DNAJB6: variants seen among roughly 807,000 people sequenced by gnomAD.
The protein encoded by DNAJB6 is DnaJ heat shock protein family (Hsp40) member B6, also known as dnaJ homolog subfamily B member 6.
DNAJB6 carries 16 observed loss-of-function variants against 42.7 expected under a neutral mutation model. The observed-to-expected ratio is 0.37, with a 90% CI of 0.25 to 0.57. The LOEUF is 0.57. DNAJB6 is among the 20% of genes least tolerant of loss of function. The pLI, the probability that DNAJB6 is intolerant of heterozygous loss-of-function variation, is 0.74. For missense variants in DNAJB6, 347 were observed against 416.8 expected, an observed-to-expected ratio of 0.83 and a Z score of 1.46; for synonymous variants, 170 against 163.5, an observed-to-expected ratio of 1.04 and a Z score of -0.30.
chr7:157,387,358 G>A (rs1432705261), intron 8 of DNAJB6, among the ~76,000 whole-genome samples: 1 of 152,186 alleles, frequency 6.6e-6, no homozygotes, highest in Non-Finnish European at 1.5e-5. Context: ...GCCATGGCAC[G>A]TGCGGGAAAG....
chr7:157,373,663 G>A lies in DNAJB6; in HGVS notation c.346+6180G>A, dbSNP rs1002958846. Among the ~76,000 whole-genome samples the A allele has an allele frequency of 3.3e-5, 5 of 152,170 alleles. No individual in the cohort carries two copies. The East Asian group carries it at 9.6e-4, about 29-fold the overall frequency. ...ACCATGCCTGGCCAAAGTTAGATGT[G>A]TTAATGAGAGCTAGAAGTTAGGGGT... On this transcript the variant is annotated intron_variant, in intron 5 of 9. Coordinates refer to ENST00000262177, the MANE Select transcript of DNAJB6 (RefSeq NM_058246.4).
At chr7:157,388,241 T>TA (rs1334378525) in intron 8 of DNAJB6, among the ~76,000 whole-genome samples, 3 of 152,230 alleles carry the variant, frequency 2.0e-5, no homozygotes, top group Admixed American at 6.5e-5. Flanking sequence ...TGTCAAATCT[T>TA]ACACCTTTCA....
chr7:157,372,654 C>T (rs1419565112), intron 5 of DNAJB6, among the ~76,000 whole-genome samples: 2 of 152,224 alleles, frequency 1.3e-5, no homozygotes, highest in African/African-American at 2.4e-5. Flanking sequence ...ACAGGCCGGG[C>T]GTCTCGTAGG....
At chr7:157,399,145 TC>T (rs1456312422) in intron 8 of DNAJB6, among the ~76,000 whole-genome samples, 5 of 152,222 alleles carry the variant, frequency 3.3e-5, no homozygotes, top group Non-Finnish European at 5.9e-5. Flanking sequence ...TTGTAGAAGT[TC>T]CGCTGACAAG....
At position 157,346,377 on chromosome 7, in the gene DNAJB6, C is replaced by T. The variant is rs115065201; in HGVS notation, c.-27+9233C>T. On this transcript the variant is annotated intron_variant, in intron 1 of 9. Transcript: ENST00000262177. The stretch of plus-strand genomic sequence containing the variant: ...TTAGTTTCTCTGTGACTAGGGAAAT[C>T]GTCCAAGTATGTATCAAATAATGCT... 4.4e-3 allele frequency among the ~76,000 whole-genome samples: 643 copies of T among 145,672 alleles called. 6 individuals are homozygous for T. Among genetic ancestry groups the T allele is most frequent in the African/African-American group, 0.015 (611 of 40,076 alleles).
At chr7:157,401,931 CCT>C (rs1433347641) in intron 8 of DNAJB6, among the ~76,000 whole-genome samples, 1 of 152,146 alleles carries the variant, frequency 6.6e-6, no homozygotes, top group African/African-American at 2.4e-5. Flanking sequence ...GGATGTGGGC[CCT>C]CTCAGGATGG....
At chr7:157,400,371 T>TAC (rs1801804698) in intron 8 of DNAJB6, among the ~76,000 whole-genome samples, 1 of 152,242 alleles carries the variant, frequency 6.6e-6, no homozygotes, top group Non-Finnish European at 1.5e-5. Context: ...GACACGCTCG[T>TAC]GTGTGGTGTG....
At position 157,384,996 on chromosome 7, in the gene DNAJB6, T is replaced by C. The variant is rs781071853; in HGVS notation, c.608T>C (p.Ile203Thr). Residue 203 changes from isoleucine to threonine, a missense_variant, in exon 7 of 10, where the codon ATC (isoleucine) becomes ACC (threonine). Coordinates refer to ENST00000262177, the MANE Select transcript of DNAJB6 (RefSeq NM_058246.4). ...ACTAAAATGGTTAATGGCAGAAAAA[T>C]CACTACAAAGAGGTACTGTGGTATT... ...TSTKMVNGRK[I>T]TTKRIVENGQ... is the part of the protein sequence containing the mutation. The C allele has an allele frequency of 2.6e-5, 42 of 1,613,960 alleles. No individual in the cohort carries two copies. The highest frequency in any genetic ancestry group is 3.4e-5 in the Non-Finnish European group (40 of 1,179,992).
chr7:157,391,714 G>A (rs1801352675), intron 8 of DNAJB6, among the ~76,000 whole-genome samples: 1 of 152,202 alleles, frequency 6.6e-6, no homozygotes, highest in Non-Finnish European at 1.5e-5. Flanking sequence ...TAATATTTAA[G>A]GTATTTGTGT....
chr7:157,352,286 G>T (rs939098937), intron 1 of DNAJB6, among the ~76,000 whole-genome samples: 1 of 151,786 alleles, frequency 6.6e-6, no homozygotes, highest in African/African-American at 2.4e-5. Flanking sequence ...CCAAAATTGT[G>T]CTACTCTACT....
At chr7:157,385,084 C>A in intron 7 of DNAJB6, 76 bp downstream of exon 7, 1 of 1,487,848 alleles carries the variant, frequency 6.7e-7, no homozygotes, top group Non-Finnish European at 9.2e-7. Flanking sequence ...GCACGTCTCC[C>A]AGAGTGTGAA....
intron 1 of DNAJB6, among the ~76,000 whole-genome samples, chr7:157,358,087 C>T (rs979137351): frequency 2.6e-5 from 4 of 152,130 alleles, no homozygotes; most frequent in Non-Finnish European, 1.5e-5. Context: ...TTCTATTGTT[C>T]CCATGTGAAG....
intron 4 of DNAJB6, 64 bp from the exon 5 acceptor site, chr7:157,367,309 A>G: frequency 2.8e-6 from 3 of 1,078,020 alleles, no homozygotes; most frequent in African/African-American, 1.6e-5. Flanking sequence ...TTTTGTCAAC[A>G]AAGAATTCTT....
chr7:157,353,331 A>G (rs1799094639), intron 1 of DNAJB6, among the ~76,000 whole-genome samples: 1 of 152,162 alleles, frequency 6.6e-6, no homozygotes, highest in Admixed American at 6.6e-5. Context: ...TAAAGATAGT[A>G]CAGGGATTTT....
intron 8 of DNAJB6, among the ~76,000 whole-genome samples, chr7:157,388,453 C>G (rs1466753064): frequency 2.6e-5 from 4 of 152,162 alleles, no homozygotes; most frequent in African/African-American, 9.7e-5. Flanking sequence ...TTGAGCGCCT[C>G]TGAAAATAGG....
chr7:157,395,493 T>C (rs1189730199), intron 8 of DNAJB6, among the ~76,000 whole-genome samples: 2 of 152,024 alleles, frequency 1.3e-5, no homozygotes, highest in African/African-American at 4.8e-5. Flanking sequence ...CAGTTGGAGG[T>C]TGAATCTGGG....
intron 5 of DNAJB6, chr7:157,381,777 G>GGGCGC (rs1800790636): frequency 1.3e-5 from 1 of 77,046 alleles, no homozygotes; most frequent in Non-Finnish European, 3.1e-5. Flanking sequence ...TGTGTGTGTG[G>GGGCGC]GCGCGCGCAT....
Sources: gnomAD v4.1 joint callset for allele counts (sites outside exome capture counted in the v4.1 genomes callset) on GRCh38, gnomAD v4.1.1 for gene constraint, MANE v1.5 for transcripts, NCBI Gene and HGNC (gene_info 2026-07-23, HGNC 2026-07-21) for gene names.